PIN4: variants seen among roughly 807,000 people sequenced by gnomAD.
The protein encoded by PIN4 is peptidyl-prolyl cis-trans isomerase NIMA-interacting 4.
A neutral mutation model predicts 8.3 loss-of-function variants in PIN4; 3 were observed. The ratio of observed to expected loss-of-function variants is 0.36; its 90% confidence interval spans 0.16 to 0.93. PIN4 has a LOEUF of 0.93. Ranked by LOEUF, PIN4 falls within the 40% of genes least tolerant of loss-of-function variation. The pLI, the probability that PIN4 is intolerant of heterozygous loss-of-function variation, is 0.44. For missense variants in PIN4, 75 were observed against 100.6 expected, an observed-to-expected ratio of 0.75 and a Z score of 1.09; for synonymous variants, 18 against 32.5, an observed-to-expected ratio of 0.55 and a Z score of 1.52.
At chrX:72,240,951 A>G (rs1389191943) in intron 3 of PIN4, among the ~76,000 whole-genome samples, 2 of 110,982 alleles carry the variant, frequency 1.8e-5, no homozygotes, top group Non-Finnish European at 3.8e-5. Context: ...AGAGAGATAA[A>G]TTGACTTCAT....
At chrX:72,209,130 A>T (rs1327398106) in intron 3 of PIN4, among the ~76,000 whole-genome samples, 2 of 111,012 alleles carry the variant, frequency 1.8e-5, no homozygotes, top group Admixed American at 1.9e-4. Context: ...CTTTCACGAG[A>T]TTCCTATAGA....
intron 3 of PIN4, among the ~76,000 whole-genome samples, chrX:72,203,611 G>GTGTT (rs761620702): frequency 1.2e-4 from 13 of 111,983 alleles, no homozygotes; most frequent in Non-Finnish European, 1.9e-4. Flanking sequence ...GGTGTCAGAA[G>GTGTT]TGTTTTGAGT....
intron 3 of PIN4, chrX:72,208,614 A>C: frequency 8.3e-7 from 1 of 1,210,957 alleles, no homozygotes; most frequent in South Asian, 1.8e-5. Context: ...TTTCATTGGG[A>C]AAAATGTCCT....
At chrX:72,199,555 A>G (rs2042782095), downstream of PIN4, among the ~76,000 whole-genome samples, 1 of 111,749 alleles carries the variant, frequency 8.9e-6, no homozygotes, top group South Asian at 3.7e-4. Flanking sequence ...TAAAATAAAT[A>G]AAATAAAACA....
intron 3 of PIN4, among the ~76,000 whole-genome samples, chrX:72,258,346 T>G (rs1602463449): frequency 8.9e-6 from 1 of 112,151 alleles, no homozygotes; most frequent in East Asian, 2.8e-4. Context: ...CTGAGGTTTG[T>G]GTTTGTGTGA....
chrX:72,258,174 A>G (rs58279794), intron 3 of PIN4, among the ~76,000 whole-genome samples: 8,467 of 111,374 alleles, frequency 0.076, 509 homozygotes, highest in East Asian at 0.48. Context: ...CAAGGAAAGG[A>G]ACCCCAACAG....
chrX:72,243,476 C>T (rs2043057036), intron 3 of PIN4, among the ~76,000 whole-genome samples: 1 of 109,569 alleles, frequency 9.1e-6, no homozygotes, highest in Admixed American at 9.8e-5. Flanking sequence ...TAAAATACTC[C>T]AGTACAGAGG....
In PIN4 at chrX:72,187,728, G is replaced by A. The variant is rs766700647; in HGVS notation, c.117+1194G>A. 2.1e-4 allele frequency among the ~76,000 whole-genome samples: 23 copies of A among 111,850 alleles called. No homozygotes were observed. In the East Asian group the frequency reaches 4.5e-3, roughly 22 times the overall value. On this transcript the variant is annotated intron_variant, in intron 2 of 3. Coordinates refer to ENST00000373669, the MANE Select transcript of PIN4 (RefSeq NM_006223.4). Reference sequence around the variant, plus strand: ...TGAGGTGGGAGGATCGCTTGAGCCCGAGAATTTGAGGCTACAGTGAGCCAT... The same window carrying A: ...TGAGGTGGGAGGATCGCTTGAGCCCAAGAATTTGAGGCTACAGTGAGCCAT...
At chrX:72,190,798 C>T (rs960269762) in intron 2 of PIN4, among the ~76,000 whole-genome samples, 12 of 109,374 alleles carry the variant, frequency 1.1e-4, no homozygotes, top group African/African-American at 3.7e-4. Context: ...GCTAAAAATA[C>T]AAAAATTAGT....
At chrX:72,259,588 A>T (rs2043128802) in intron 3 of PIN4, among the ~76,000 whole-genome samples, 1 of 110,509 alleles carries the variant, frequency 9.0e-6, no homozygotes, top group Admixed American at 9.7e-5. Context: ...AAACCTATGA[A>T]GTTGGTACAA....
intron 2 of PIN4, among the ~76,000 whole-genome samples, chrX:72,190,087 A>AC (rs1481263431): frequency 9.2e-6 from 1 of 109,023 alleles, no homozygotes; most frequent in Non-Finnish European, 1.9e-5. Context: ...CTCCTCACAG[A>AC]CCCCCAAGCC....
At chrX:72,202,794 A>G (rs2042795177), downstream of PIN4, among the ~76,000 whole-genome samples, 1 of 112,345 alleles carries the variant, frequency 8.9e-6, no homozygotes, top group South Asian at 3.7e-4. Flanking sequence ...TGTAATATAC[A>G]TGAGATTATT....
At chrX:72,239,992 G>A (rs2147610517) in intron 3 of PIN4, among the ~76,000 whole-genome samples, 1 of 106,427 alleles carries the variant, frequency 9.4e-6, no homozygotes, top group Non-Finnish European at 1.9e-5. Flanking sequence ...AAGAGAGAAG[G>A]GTCTTCAAGA....
intron 3 of PIN4, chrX:72,207,955 A>G: frequency 8.3e-7 from 1 of 1,211,587 alleles, no homozygotes; most frequent in Non-Finnish European, 1.1e-6. Flanking sequence ...AGCAAAATCA[A>G]ATAGGGACCA....
intron 3 of PIN4, chrX:72,239,140 T>G (rs1285207929): frequency 5.2e-6 from 2 of 387,875 alleles, no homozygotes; most frequent in Non-Finnish European, 9.1e-6. Flanking sequence ...GGTGGGCGCC[T>G]GCGCCTACGC....
chrX:72,241,056 A>T (rs1202641930), intron 3 of PIN4, among the ~76,000 whole-genome samples: 1 of 111,160 alleles, frequency 9.0e-6, no homozygotes, highest in African/African-American at 3.3e-5. Context: ...CACACTGGAA[A>T]GAAGAGGGCA....
chrX:72,183,984 A>G (rs944810547), intron 1 of PIN4, among the ~76,000 whole-genome samples: 3 of 112,097 alleles, frequency 2.7e-5, no homozygotes, highest in Non-Finnish European at 5.6e-5. Context: ...AACACAAAAG[A>G]AGTGCCTTCA....
At chrX:72,248,631 A>T (rs1055743602) in intron 3 of PIN4, among the ~76,000 whole-genome samples, 1 of 112,358 alleles carries the variant, frequency 8.9e-6, no homozygotes, top group African/African-American at 3.2e-5. Context: ...TAATCCCATC[A>T]CTTTGGGAGG....
At chrX:72,259,148 G>T (rs1454128652) in intron 3 of PIN4, among the ~76,000 whole-genome samples, 1 of 110,221 alleles carries the variant, frequency 9.1e-6, no homozygotes, top group Non-Finnish European at 1.9e-5. Context: ...TATGGACTTG[G>T]AAACTGTAAC....
Sources: gnomAD v4.1 joint callset for allele counts (sites outside exome capture counted in the v4.1 genomes callset) on GRCh38, gnomAD v4.1.1 for gene constraint, MANE v1.5 for transcripts, NCBI Gene and HGNC (gene_info 2026-07-23, HGNC 2026-07-21) for gene names.